The following GPHN variants were observed in gnomAD, a reference collection of about 807,000 sequenced individuals.
GPHN encodes gephyrin.
Under a neutral mutation model 95.5 loss-of-function variants are expected in GPHN, and 17 were observed. The observed-to-expected ratio is 0.18, with a 90% CI of 0.12 to 0.27. The LOEUF is 0.27. GPHN is among the 10% of genes least tolerant of loss of function. The probability of loss-of-function intolerance (pLI) is 1.00; values close to 1 mark genes in which losing one functional copy is unlikely to be tolerated. For synonymous variants in GPHN, 320 were observed against 322.5 expected, an observed-to-expected ratio of 0.99 and a Z score of 0.08; for missense variants, 660 against 978.1, an observed-to-expected ratio of 0.67 and a Z score of 4.34.
At chr14:67,077,053 C>A (rs2076523124) in intron 11 of GPHN, among the ~76,000 whole-genome samples, 1 of 152,114 alleles carries the variant, frequency 6.6e-6, no homozygotes, top group African/African-American at 2.4e-5. Flanking sequence ...TATCCAAAAG[C>A]CTTTCAGTTC....
chr14:67,427,143 C>T, the GPHN span, among the ~76,000 whole-genome samples: 1 of 151,946 alleles, frequency 6.6e-6, no homozygotes, highest in Admixed American at 6.6e-5. Flanking sequence ...ATGCTTCAGG[C>T]GGCTGATGAC....
intron 2 of GPHN, among the ~76,000 whole-genome samples, chr14:66,715,275 G>A (rs766773298): frequency 8.6e-5 from 13 of 151,974 alleles, no homozygotes; most frequent in Non-Finnish European, 1.3e-4. Context: ...TAAGGTGTCC[G>A]TAGTAGCCTT....
At chr14:67,591,835 A>G in the GPHN span, 9 of 151,470 alleles carry the variant, frequency 5.9e-5, no homozygotes, top group Non-Finnish European at 1.3e-4. Context: ...GCACCAGCTG[A>G]TAAGTGTTTT....
the GPHN span, among the ~76,000 whole-genome samples, chr14:67,476,437 A>G: frequency 6.6e-6 from 1 of 152,048 alleles, no homozygotes. Flanking sequence ...AAATACAAAA[A>G]TTAGCTGGGT....
intron 1 of GPHN, among the ~76,000 whole-genome samples, chr14:66,643,550 A>G (rs1669243445): frequency 6.6e-6 from 1 of 152,152 alleles, no homozygotes; most frequent in Admixed American, 6.5e-5. Context: ...TACAATGAGA[A>G]TGAACAGCAT....
At position 66,758,493 on chromosome 14, in the gene GPHN, G is replaced by T. The variant is rs1035391761; in HGVS notation, c.144-17971G>T. ...GGATCCCCAGTAAAAGGGAGCCATCGTTTGAAGCTACAGTTGCGTGACCAT... is the reference window on the plus strand; with the variant it reads ...GGATCCCCAGTAAAAGGGAGCCATCTTTTGAAGCTACAGTTGCGTGACCAT... On this transcript the variant is annotated intron_variant, in intron 2 of 22. Transcript: ENST00000478722. Among the ~76,000 whole-genome samples the T allele has an allele frequency of 3.9e-5, 6 of 152,180 alleles. No homozygotes were observed. The East Asian group carries it at 1.2e-3, about 29-fold the overall frequency.
intron 1 of GPHN, among the ~76,000 whole-genome samples, chr14:66,579,896 G>A (rs1435070785): frequency 4.0e-5 from 6 of 151,738 alleles, no homozygotes; most frequent in Non-Finnish European, 1.5e-5. Flanking sequence ...TATCAGAATA[G>A]TTCATCCAAC....
chr14:67,573,778 C>G, the GPHN span: 1 of 1,525,694 alleles, frequency 6.6e-7, no homozygotes, highest in Admixed American at 1.7e-5. This position sits in a 1 kb window ranked among gnomAD's most constrained non-coding sequence, Gnocchi z 4.8. Flanking sequence ...CAGTGGCTCT[C>G]CTCTCCAATA....
intron 1 of GPHN, among the ~76,000 whole-genome samples, chr14:66,562,408 C>G (rs1412818272): frequency 6.6e-6 from 1 of 152,050 alleles, no homozygotes; most frequent in Non-Finnish European, 1.5e-5. Flanking sequence ...ATACATATAT[C>G]AAAACATCAC....
At chr14:66,808,056 C>CT (rs2060618015) in intron 3 of GPHN, among the ~76,000 whole-genome samples, 1 of 152,174 alleles carries the variant, frequency 6.6e-6, no homozygotes, top group Non-Finnish European at 1.5e-5. Context: ...TATTGTCAAT[C>CT]TTTTTCCATT....
chr14:67,663,325 A>G, the GPHN span: 2 of 628,840 alleles, frequency 3.2e-6, no homozygotes, highest in Non-Finnish European at 5.3e-6. Context: ...TCATTTTTAA[A>G]TAACATTGTT....
intron 10 of GPHN, among the ~76,000 whole-genome samples, chr14:67,034,320 A>G (rs1315853216): frequency 1.3e-5 from 2 of 152,176 alleles, no homozygotes; most frequent in Admixed American, 6.5e-5. Context: ...AAATGCTTAT[A>G]GAAGATACAG....
intron 9 of GPHN, among the ~76,000 whole-genome samples, chr14:67,016,061 C>G (rs1197499055): frequency 6.6e-6 from 1 of 151,978 alleles, no homozygotes; most frequent in Non-Finnish European, 1.5e-5. Context: ...AAAAAGGACA[C>G]CTTTTATATC....
the GPHN span, chr14:67,583,966 C>T: frequency 3.7e-6 from 6 of 1,613,682 alleles, no homozygotes; most frequent in Non-Finnish European, 4.2e-6. Flanking sequence ...ACTTCATTGG[C>T]ACTATTTCTC....
At chr14:67,340,572 AT>A in the GPHN span, 21 of 1,395,148 alleles carry the variant, frequency 1.5e-5, no homozygotes, top group African/African-American at 2.8e-5. Flanking sequence ...CTTTTTTCAA[AT>A]TATCAGTGCT....
intron 5 of GPHN, among the ~76,000 whole-genome samples, chr14:66,883,459 G>A (rs1277929109): frequency 6.6e-6 from 1 of 151,912 alleles, no homozygotes; most frequent in South Asian, 2.1e-4. Context: ...TATAATAACT[G>A]CTTAAAATTA....
At chr14:66,601,705 C>T (rs1451652005) in intron 1 of GPHN, among the ~76,000 whole-genome samples, 3 of 151,438 alleles carry the variant, frequency 2.0e-5, no homozygotes, top group Admixed American at 6.6e-5. Context: ...GACATTTGTG[C>T]AATAGGACTG....
the GPHN span, among the ~76,000 whole-genome samples, chr14:67,464,013 A>G: frequency 6.6e-6 from 1 of 152,090 alleles, no homozygotes; most frequent in East Asian, 1.9e-4. Context: ...GGAGGGCCTC[A>G]ACAGGCCCAG....
chr14:66,622,956 G>A (rs555373021), intron 1 of GPHN, among the ~76,000 whole-genome samples: 2 of 152,180 alleles, frequency 1.3e-5, no homozygotes, highest in East Asian at 3.9e-4. Context: ...ACATTTTCAT[G>A]TATGTTTTCA....
Sources: gnomAD v4.1 joint callset for allele counts (sites outside exome capture counted in the v4.1 genomes callset) on GRCh38, gnomAD v4.1.1 for gene constraint, Gnocchi (gnomAD v3.1) non-coding constraint, MANE v1.5 for transcripts, NCBI Gene and HGNC (gene_info 2026-07-23, HGNC 2026-07-21) for gene names.